CPT1A: variants seen among roughly 807,000 people sequenced by gnomAD.
CPT1A encodes the protein carnitine O-palmitoyltransferase 1, liver isoform.
A neutral mutation model predicts 100.8 loss-of-function variants in CPT1A; 64 were observed. The ratio of observed to expected loss-of-function variants is 0.63; its 90% CI spans 0.52 to 0.78. CPT1A has a LOEUF of 0.78. Among genes scored for constraint, CPT1A ranks in the 30% least tolerant of loss-of-function variants. The probability of loss-of-function intolerance (pLI) is 0.00; values close to 1 mark genes in which losing one functional copy is unlikely to be tolerated. For missense variants in CPT1A, 802 were observed against 1,034.1 expected, an observed-to-expected ratio of 0.78 and a Z score of 3.08; for synonymous variants, 363 against 396.0, an observed-to-expected ratio of 0.92 and a Z score of 0.99.
At chr11:68,767,614 C>T (rs1372693172) in intron 14 of CPT1A, among the ~76,000 whole-genome samples, 2 of 152,072 alleles carry the variant, frequency 1.3e-5, no homozygotes, top group Non-Finnish European at 2.9e-5. Context: ...ATATATATGC[C>T]TTAGACATCA....
intron 1 of CPT1A, among the ~76,000 whole-genome samples, chr11:68,829,092 G>T (rs984439276): frequency 1.3e-5 from 2 of 152,142 alleles, no homozygotes; most frequent in African/African-American, 2.4e-5. Context: ...CCTCCCCAGG[G>T]TTTCTCTTAC....
intron 14 of CPT1A, among the ~76,000 whole-genome samples, chr11:68,765,715 C>A (rs965458758): frequency 1.3e-5 from 2 of 152,160 alleles, no homozygotes; most frequent in African/African-American, 4.8e-5. Flanking sequence ...CCGGCACAGG[C>A]AATACTGTTG....
chr11:68,779,271 A>G (rs1363064380), intron 12 of CPT1A, among the ~76,000 whole-genome samples: 1 of 152,048 alleles, frequency 6.6e-6, no homozygotes, highest in African/African-American at 2.4e-5. Context: ...TTTATAGTCA[A>G]TGTGAATCTC....
chr11:68,769,073 CCTT>C (rs1311148275), intron 14 of CPT1A, among the ~76,000 whole-genome samples: 1 of 152,142 alleles, frequency 6.6e-6, no homozygotes, highest in African/African-American at 2.4e-5. Flanking sequence ...TGGTCTGACT[CCTT>C]ATTTCTCTTG....
chr11:68,781,000 G>C (rs11228349), intron 11 of CPT1A, among the ~76,000 whole-genome samples: 3 of 152,112 alleles, frequency 2.0e-5, no homozygotes, highest in Admixed American at 6.5e-5. Flanking sequence ...TGTTGTTATC[G>C]CAAGGCAACT....
chr11:68,830,949 C>T (rs1368626732), intron 1 of CPT1A, among the ~76,000 whole-genome samples: 1 of 152,188 alleles, frequency 6.6e-6, no homozygotes, highest in East Asian at 1.9e-4. Flanking sequence ...GAATTGAATC[C>T]TGAAGACTAT....
At chr11:68,810,838 A>G (rs1210777752) in intron 3 of CPT1A, among the ~76,000 whole-genome samples, 1 of 152,018 alleles carries the variant, frequency 6.6e-6, no homozygotes, top group East Asian at 1.9e-4. Flanking sequence ...TACAAAAATT[A>G]GCCAGGCATG....
chr11:68,799,228 G>C lies in CPT1A; in HGVS notation c.683C>G (p.Ala228Gly). The C allele has an allele frequency of 6.2e-7, 1 of 1,613,676 alleles. No individual in the cohort carries two copies. The highest frequency in any genetic ancestry group is 1.7e-5 in the Admixed American group (1 of 59,996). ...TGTATACAGACTTACGTAATTTGTA[G>C]CCCACCAGGATTTTAACTTCAAATA... ...QWYLKLKSWW[A>G]TNYVSDWWEE... Residue 228 changes from alanine (A) to glycine (G), a missense_variant, in exon 6 of 19, where the codon GCT becomes GGT. This residue lies in a region of CPT1A where 627 missense variants were observed against 799.3 expected (regional missense o/e 0.78). Transcript: ENST00000265641.
chr11:68,797,975 T>C (rs1478288517), intron 6 of CPT1A, among the ~76,000 whole-genome samples: 2 of 152,164 alleles, frequency 1.3e-5, no homozygotes, highest in East Asian at 3.8e-4. Flanking sequence ...AGACTTTGTC[T>C]CAGAAACTAA....
At chr11:68,806,419 G>A (rs1174014102) in intron 4 of CPT1A, among the ~76,000 whole-genome samples, 4 of 151,996 alleles carry the variant, frequency 2.6e-5, no homozygotes, top group South Asian at 2.1e-4. Flanking sequence ...GATCACTTGA[G>A]CTCAAAAGTT....
intron 8 of CPT1A, among the ~76,000 whole-genome samples, chr11:68,794,576 A>G (rs949497041): frequency 3.3e-5 from 5 of 152,112 alleles, no homozygotes; most frequent in Non-Finnish European, 4.4e-5. Context: ...ACGCCCAGCT[A>G]ATTTTTCTAT....
chr11:68,826,927 C>T (rs1204947009), intron 1 of CPT1A, among the ~76,000 whole-genome samples: 2 of 152,094 alleles, frequency 1.3e-5, no homozygotes, highest in Non-Finnish European at 2.9e-5. Context: ...AGGTGAGCAG[C>T]TGAGACTGGG....
Position 68,760,352 on chromosome 11 carries a change from C to T in CPT1A, c.2029-14G>A, listed in dbSNP as rs780340948. 6.3e-7 allele frequency: 1 copy of T among 1,595,922 alleles called. No homozygotes were observed. The highest frequency in any genetic ancestry group is 1.3e-5 in the African/African-American group (1 of 74,804). ...CTCAGATAAAACCTATTGAGTGAAA[C>T]AGGGAAATGTTTCCTAATCCCCTCC... On this transcript the variant is annotated splice_polypyrimidine_tract_variant and intron_variant, in intron 16 of 18. Transcript: ENST00000265641.
chr11:68,765,877 CT>C (rs752519546), intron 14 of CPT1A, among the ~76,000 whole-genome samples: 280 of 143,480 alleles, frequency 2.0e-3, no homozygotes, highest in Non-Finnish European at 2.0e-3. Flanking sequence ...GAGGGGCTAC[CT>C]TTTTTTTTTT....
At chr11:68,838,579 A>AAAACAAAAAC (rs1040580654) in intron 1 of CPT1A, among the ~76,000 whole-genome samples, 1 of 144,364 alleles carries the variant, frequency 6.9e-6, no homozygotes, top group Non-Finnish European at 1.5e-5. Flanking sequence ...TTTTAAAAAA[A>AAAACAAAAAC]AAAAAAAAAA....
At chr11:68,784,177 T>C (rs1227660556) in intron 10 of CPT1A, among the ~76,000 whole-genome samples, 2 of 152,246 alleles carry the variant, frequency 1.3e-5, no homozygotes, top group Non-Finnish European at 2.9e-5. Flanking sequence ...TCTTTTTCAC[T>C]GAGGCAAGGA....
At chr11:68,759,518 T>C in intron 18 of CPT1A, 51 bp downstream of exon 18, 1 of 1,192,728 alleles carries the variant, frequency 8.4e-7, no homozygotes, top group African/African-American at 1.5e-5. Context: ...TTAAAAAGAA[T>C]AAAGCAAAAA....
chr11:68,811,008 G>A (rs556872159), intron 3 of CPT1A, among the ~76,000 whole-genome samples: 13 of 152,068 alleles, frequency 8.5e-5, no homozygotes, highest in East Asian at 1.9e-4. Context: ...AAATTCAGCC[G>A]TTAACTGTGA....
intron 12 of CPT1A, among the ~76,000 whole-genome samples, chr11:68,775,905 C>T (rs1054516052): frequency 6.6e-6 from 1 of 152,180 alleles, no homozygotes; most frequent in African/African-American, 2.4e-5. Context: ...AATAGATGCT[C>T]ACACAAAAAC....
Sources: gnomAD v4.1 joint callset for allele counts (sites outside exome capture counted in the v4.1 genomes callset) on GRCh38, gnomAD v4.1.1 for gene constraint, gnomAD v4.1.1 regional missense constraint, MANE v1.5 for transcripts, NCBI Gene and HGNC (gene_info 2026-07-23, HGNC 2026-07-21) for gene names.